NTRK3: variants seen among roughly 807,000 people sequenced by gnomAD.
NTRK3 encodes the protein neurotrophic receptor tyrosine kinase 3.
A neutral mutation model predicts 91.7 loss-of-function variants in NTRK3; 24 were observed. The observed-to-expected ratio is 0.26, with a 90% CI of 0.19 to 0.37. NTRK3 has a LOEUF of 0.37. Ranked by LOEUF, NTRK3 falls within the 10% of genes least tolerant of loss-of-function variation. NTRK3 has a pLI of 1.00. For synonymous variants in NTRK3, 483 were observed against 404.0 expected, an observed-to-expected ratio of 1.20 and a Z score of -2.34; for missense variants, 880 against 1,068.9, an observed-to-expected ratio of 0.82 and a Z score of 2.46.
At chr15:87,885,487 T>C (rs1465456358) in intron 17 of NTRK3, among the ~76,000 whole-genome samples, 1 of 151,904 alleles carries the variant, frequency 6.6e-6, no homozygotes, top group African/African-American at 2.4e-5. Flanking sequence ...AGTTACTCTA[T>C]CAGATAGCAA....
chr15:87,995,184 A>G (rs1596580317), intron 14 of NTRK3, among the ~76,000 whole-genome samples: 1 of 152,294 alleles, frequency 6.6e-6, no homozygotes, highest in Admixed American at 6.5e-5. Context: ...CCCAGAGAGC[A>G]CCTGCTCAGG....
At chr15:88,148,964 G>A in intron 5 of NTRK3, among the ~76,000 whole-genome samples, 2 of 152,186 alleles carry the variant, frequency 1.3e-5, no homozygotes, top group South Asian at 4.1e-4. Flanking sequence ...GAACGAGAAA[G>A]CCTGCCAAAG....
chr15:87,973,689 C>T (rs2073455257), intron 14 of NTRK3, among the ~76,000 whole-genome samples: 1 of 152,060 alleles, frequency 6.6e-6, no homozygotes, highest in African/African-American at 2.4e-5. Context: ...GAGGAGAGCT[C>T]CAGGCCCGTG....
In NTRK3 at chr15:88,256,321, G is replaced by T; in HGVS notation, c.-53C>A. 1.5e-6 allele frequency: 1 copy of T among 672,954 alleles called. No homozygotes were observed. Among genetic ancestry groups the T allele is most frequent in the South Asian group, 1.6e-5 (1 of 62,570 alleles). The allele number at this position is 672,954 out of a possible 1,614,324, so 41.7% of individuals were successfully genotyped here. On this transcript the variant is annotated 5_prime_UTR_variant, in exon 2 of 19. It adds an upstream start codon to the 5' untranslated region. Coordinates refer to ENST00000394480, the Ensembl canonical transcript of NTRK3. ...GAGCGATCAGATGCAAAATCCTTCA[G>T]CGTCTGAAACCATCGCGGACGCCGC...
At chr15:88,131,160 G>A (rs2041297083) in intron 10 of NTRK3, among the ~76,000 whole-genome samples, 1 of 152,244 alleles carries the variant, frequency 6.6e-6, no homozygotes, top group South Asian at 2.1e-4. Flanking sequence ...GTTTTCAGCA[G>A]ACGCTGATGC....
At chr15:88,094,390 A>G (rs1334137872) in intron 13 of NTRK3, among the ~76,000 whole-genome samples, 1 of 147,610 alleles carries the variant, frequency 6.8e-6, no homozygotes, top group Non-Finnish European at 1.5e-5. Flanking sequence ...AATGGCGTGA[A>G]CCCGGGAAGC....
chr15:88,129,099 G>A (rs1468555040), intron 10 of NTRK3, among the ~76,000 whole-genome samples: 2 of 152,136 alleles, frequency 1.3e-5, no homozygotes, highest in Non-Finnish European at 2.9e-5. Flanking sequence ...GGGGCGACAG[G>A]GTGGGCTCCC....
chr15:88,027,388 T>G (rs1376611252), intron 14 of NTRK3, among the ~76,000 whole-genome samples: 3 of 152,094 alleles, frequency 2.0e-5, no homozygotes, highest in Non-Finnish European at 4.4e-5. Context: ...GAGTTTCTTT[T>G]TCTTTTTCTT....
intron 3 of NTRK3, among the ~76,000 whole-genome samples, chr15:88,201,596 G>T (rs542728242): frequency 1.3e-5 from 2 of 152,178 alleles, no homozygotes; most frequent in Non-Finnish European, 2.9e-5. Context: ...AGGTGCAAAT[G>T]ATCCCTGAGG....
At chr15:88,199,936 A>T (rs1279997572) in intron 3 of NTRK3, among the ~76,000 whole-genome samples, 4 of 152,194 alleles carry the variant, frequency 2.6e-5, no homozygotes, top group Non-Finnish European at 5.9e-5. Context: ...CACTGAGTAA[A>T]GAGAAGGAAA....
chr15:88,120,802 T>C (rs1400000068), intron 13 of NTRK3, among the ~76,000 whole-genome samples: 1 of 152,216 alleles, frequency 6.6e-6, no homozygotes, highest in Non-Finnish European at 1.5e-5. Context: ...CCTCCCAGGT[T>C]CTCTGCACAA....
intron 13 of NTRK3, among the ~76,000 whole-genome samples, chr15:88,047,148 A>T (rs1051431583): frequency 5.3e-5 from 8 of 152,180 alleles, no homozygotes; most frequent in African/African-American, 1.9e-4. Context: ...CGGAAATCCC[A>T]TGTGCACTCC....
chr15:87,899,596 T>C (rs926011658), intron 17 of NTRK3, among the ~76,000 whole-genome samples: 6 of 152,248 alleles, frequency 3.9e-5, no homozygotes, highest in African/African-American at 1.2e-4. Flanking sequence ...TTTGTTTTAT[T>C]AACTGCCAAC....
At chr15:87,876,845 C>A (rs979336123) in exon 19 of NTRK3, 1 of 1,436,226 alleles carries the variant, frequency 7.0e-7, no homozygotes, top group Non-Finnish European at 9.8e-7. Context: ...TCGCTTCAGT[C>A]AAGGATGGAA....
intron 17 of NTRK3, among the ~76,000 whole-genome samples, chr15:87,890,181 G>A (rs1187658045): frequency 6.6e-6 from 1 of 151,914 alleles, no homozygotes; most frequent in Non-Finnish European, 1.5e-5. Flanking sequence ...GCTTCCTTCT[G>A]TAACACAACA....
intron 14 of NTRK3, among the ~76,000 whole-genome samples, chr15:88,026,970 T>C (rs1596791482): frequency 6.6e-6 from 1 of 152,158 alleles, no homozygotes; most frequent in East Asian, 1.9e-4. Flanking sequence ...TCAGAGGCCT[T>C]CAGCCAACCC....
intron 3 of NTRK3, among the ~76,000 whole-genome samples, chr15:88,236,092 G>A (rs2051700974): frequency 1.3e-5 from 2 of 152,266 alleles, no homozygotes; most frequent in South Asian, 4.2e-4. Flanking sequence ...TTTCACTCCT[G>A]GGGAATGACC....
At chr15:87,994,247 T>C (rs1026623655) in intron 14 of NTRK3, among the ~76,000 whole-genome samples, 1 of 152,272 alleles carries the variant, frequency 6.6e-6, no homozygotes, top group African/African-American at 2.4e-5. Flanking sequence ...AGGGATTGAA[T>C]TGTGCCCCTC....
chr15:87,872,056 C>A, exon 19 of NTRK3: 1 of 221,962 alleles, frequency 4.5e-6, no homozygotes, highest in Admixed American at 5.8e-5. Flanking sequence ...AAGCCCGGAA[C>A]TAAATGTGCC....
Sources: gnomAD v4.1 joint callset for allele counts (sites outside exome capture counted in the v4.1 genomes callset) on GRCh38, gnomAD v4.1.1 for gene constraint, MANE v1.5 for transcripts, NCBI Gene and HGNC (gene_info 2026-07-23, HGNC 2026-07-21) for gene names.